NR2C2AP: variants seen among roughly 807,000 people sequenced by gnomAD.
NR2C2AP encodes the protein nuclear receptor 2C2-associated protein.
A neutral mutation model predicts 19.1 loss-of-function variants in NR2C2AP; 13 were observed. The ratio of observed to expected loss-of-function variants is 0.68; its 90% CI spans 0.44 to 1.08. The LOEUF is 1.08. Ranked by LOEUF, NR2C2AP falls within the 50% of genes least tolerant of loss-of-function variation. The probability of loss-of-function intolerance (pLI) is 0.00; values close to 1 mark genes in which losing one functional copy is unlikely to be tolerated. For synonymous variants in NR2C2AP, 81 were observed against 64.4 expected, an observed-to-expected ratio of 1.26 and a Z score of -1.23; for missense variants, 181 against 172.7, an observed-to-expected ratio of 1.05 and a Z score of -0.27.
chr19:19,202,531 A>T lies in NR2C2AP; in HGVS notation c.174T>A (p.Arg58=). ...WVTLEFPQLI[R]VSQLQIQFQG... ...GAAACTGGATCTGCAGCTGGGAGAC[A>T]CGGATGAGCTGGGGAAACTCCAGCG... is the stretch of plus-strand genomic sequence containing the variant. Residue 58 remains arginine (R), a synonymous_variant, in exon 3 of 5, where the codon CGT becomes CGA. Transcript: ENST00000331552. 6.2e-7 allele frequency: 1 copy of T among 1,613,798 alleles called. No individual in the cohort carries two copies.
rs889602864 is a variant in NR2C2AP at position 19,201,526 on chromosome 19, C to T, written c.*399G>A. ...AGTCCTCGGTTCTCCCAGCTTTGCT[C>T]TGTAATGCAGGTCTCTGCAAGGGTC... On this transcript the variant is annotated 3_prime_UTR_variant, in exon 5 of 5. Transcript: ENST00000331552. 1.4e-5 allele frequency: 22 copies of T among 1,602,476 alleles called. No homozygotes were observed. The highest frequency in any genetic ancestry group is 1.6e-4 in the Middle Eastern group (1 of 6,082).
Position 19,201,504 on chromosome 19 carries a change from C to T in NR2C2AP, c.*421G>A. 1.3e-6 allele frequency: 2 copies of T among 1,597,644 alleles called. No homozygotes were observed. The highest frequency in any genetic ancestry group is 1.7e-6 in the Non-Finnish European group (2 of 1,178,618). On this transcript the variant is annotated 3_prime_UTR_variant, in exon 5 of 5. Transcript: ENST00000331552. ...GGAAGTTGAGGTTCCTGGGGTGAGT[C>T]CTCGGTTCTCCCAGCTTTGCTCTGT...
rs1226658071 is a variant in NR2C2AP at position 19,203,253 on chromosome 19, C to G, written c.-193G>C. 2 of 632,934 alleles carry G rather than the reference C, an allele frequency of 3.2e-6. No individual in the cohort carries two copies. The allele number at this position is 632,934 out of a possible 1,614,324, so 39.2% of individuals were successfully genotyped here. ...AAATGTCGCCTCGATCAATCCCCTG[C>G]CGGAAAATTTGGGAGAGAGGATCAG... On this transcript the variant is annotated 5_prime_UTR_variant, in exon 1 of 5. Transcript: ENST00000331552.
At chr19:19,202,732 A>G (rs2060738837) in intron 2 of NR2C2AP, 59 bp downstream of exon 2, 3 of 1,528,666 alleles carry the variant, frequency 2.0e-6, no homozygotes, top group African/African-American at 1.4e-5. Context: ...GACGTTCTCA[A>G]GGCATGAGAT....
In NR2C2AP at chr19:19,201,745, C is replaced by T. The variant is rs1458159205; in HGVS notation, c.*180G>A. The T allele has an allele frequency of 2.5e-6, 4 of 1,613,792 alleles. No homozygotes were observed. The highest frequency in any genetic ancestry group is 3.3e-4 in the Middle Eastern group (2 of 6,062). Reference sequence around the variant, plus strand: ...AGGCCGCCTGCCGGGGACTCAGACACTCAGGGAACAAAATGGTCAGCCAGA... The same window carrying T: ...AGGCCGCCTGCCGGGGACTCAGACATTCAGGGAACAAAATGGTCAGCCAGA... On this transcript the variant is annotated 3_prime_UTR_variant, in exon 5 of 5. Coordinates refer to ENST00000331552, the MANE Select transcript of NR2C2AP (RefSeq NM_176880.6).
rs2060745142 is a variant in NR2C2AP, at chr19:19,203,366, G to A, written c.-306C>T. ...GGGCGGTGGCTTTTTGTGCGAGGCT[G>A]TTTCTCTGCGAATAGCTCTTGGAGC... On this transcript the variant is annotated 5_prime_UTR_variant, in exon 1 of 5. Coordinates refer to ENST00000331552, the MANE Select transcript of NR2C2AP (RefSeq NM_176880.6). The A allele has an allele frequency of 2.0e-6, 1 of 494,274 alleles. No homozygotes were observed. The highest frequency in any genetic ancestry group is 3.7e-6 in the Non-Finnish European group (1 of 270,344). 30.6% of individuals were successfully genotyped at this position (494,274 alleles called of 1,614,324 possible).
At position 19,202,618 on chromosome 19, in the gene NR2C2AP, C is replaced by T. The variant is rs935740550; in HGVS notation, c.130-43G>A. 3.9e-6 allele frequency: 6 copies of T among 1,526,972 alleles called. 1 individual carries two copies. The highest frequency in any genetic ancestry group is 1.1e-5 in the South Asian group (1 of 89,226). The allele number at this position is 1,526,972 out of a possible 1,614,324, so 94.6% of individuals were successfully genotyped here. On this transcript the variant is annotated intron_variant, in intron 2 of 4. Coordinates refer to ENST00000331552, the MANE Select transcript of NR2C2AP (RefSeq NM_176880.6). ...AACTGAGGCGCAAGCTCACTGCAGG[C>T]ACAGAGCCCTGCTATGCCTGTCTCA...
chr19:19,201,988 A>G lies in NR2C2AP; in HGVS notation c.357T>C (p.Asp119=), dbSNP rs139450000. ...CCACACGGCCAAAAAAGTCAGTGGCATCCTCAAACGTCACCTTCAGCCGGT... is the reference window on the plus strand; with the variant it reads ...CCACACGGCCAAAAAAGTCAGTGGCGTCCTCAAACGTCACCTTCAGCCGGT... ...EVDRLKVTFE[D]ATDFFGRVVI... The change falls in exon 5 of 5, where the codon GAT becomes GAC. Residue 119 remains aspartate, a synonymous_variant. Coordinates refer to ENST00000331552, the MANE Select transcript of NR2C2AP (RefSeq NM_176880.6). 1.4e-4 allele frequency: 231 copies of G among 1,614,186 alleles called. No homozygotes were observed. The highest frequency in any genetic ancestry group is 2.3e-4 in the African/African-American group (17 of 75,050).
At position 19,203,213 on chromosome 19, in the gene NR2C2AP, G is replaced by A; in HGVS notation, c.-153C>T. The A allele has an allele frequency of 1.4e-6, 1 of 736,914 alleles. No homozygotes were observed. The highest frequency in any genetic ancestry group is 2.4e-6 in the Non-Finnish European group (1 of 420,724). The allele number at this position is 736,914 out of a possible 1,614,324, so 45.6% of individuals were successfully genotyped here. A position where few individuals can be genotyped will look rare whatever the true frequency, so the allele number is the denominator to read the frequency against. On this transcript the variant is annotated 5_prime_UTR_variant, in exon 1 of 5. Coordinates refer to ENST00000331552, the MANE Select transcript of NR2C2AP (RefSeq NM_176880.6). ...TTGGGACGAGAACCGCCACTCCCTC[G>A]CCCACCCCAGTCCTAAATGTCGCCT...
Position 19,202,014 on chromosome 19 carries a change from C to T in NR2C2AP, c.331G>A (p.Asp111Asn), listed in dbSNP as rs781664408. Residue 111 changes from aspartate to asparagine, a missense_variant, in exon 5 of 5, where the codon GAC (aspartate) becomes AAC (asparagine). Transcript: ENST00000331552. Reference sequence around the variant, plus strand: ...TCCTCAAACGTCACCTTCAGCCGGTCCACTTCAGCAGCTGGTATGGGGAAA... The same window carrying T: ...TCCTCAAACGTCACCTTCAGCCGGTTCACTTCAGCAGCTGGTATGGGGAAA... Reference protein sequence around the residue: ...QTFPIPAAEVDRLKVTFEDAT... With the variant: ...QTFPIPAAEVNRLKVTFEDAT... 1 of 1,614,152 alleles carries T rather than the reference C, an allele frequency of 6.2e-7. No individual in the cohort carries two copies. The highest frequency in any genetic ancestry group is 1.1e-5 in the South Asian group (1 of 91,070).
In NR2C2AP at chr19:19,201,795, C is replaced by G. The variant is rs2060724271; in HGVS notation, c.*130G>C. ...AGCTGGGGAAACCCAGAACTGACTT[C>G]AAAGGCAGCTTCTGGACAGGTGGTG... On this transcript the variant is annotated 3_prime_UTR_variant, in exon 5 of 5. Coordinates refer to ENST00000331552, the MANE Select transcript of NR2C2AP (RefSeq NM_176880.6). 6.2e-7 allele frequency: 1 copy of G among 1,613,144 alleles called. No individual in the cohort carries two copies. Among genetic ancestry groups the G allele is most frequent in the Admixed American group, 1.7e-5 (1 of 59,948 alleles).
At position 19,203,121 on chromosome 19, in the gene NR2C2AP, C is replaced by T; in HGVS notation, c.-61G>A. 6.3e-7 allele frequency: 1 copy of T among 1,584,250 alleles called. No individual in the cohort carries two copies. Among genetic ancestry groups the T allele is most frequent in the Non-Finnish European group, 8.6e-7 (1 of 1,156,766 alleles). On this transcript the variant is annotated 5_prime_UTR_variant, in exon 1 of 5. Coordinates refer to ENST00000331552, the MANE Select transcript of NR2C2AP (RefSeq NM_176880.6). ...GGCACAGCCTTGGTTCGAATCCCGG[C>T]GCCTCCTCAAGCTACAGGGCGGCGC...
intron 4 of NR2C2AP, 68 bp from the exon 5 acceptor site, chr19:19,202,109 A>G: frequency 6.5e-7 from 1 of 1,548,422 alleles, no homozygotes; most frequent in Admixed American, 1.7e-5. Context: ...CACCCCTTCC[A>G]GACCCAGCTC....
In NR2C2AP at chr19:19,201,701, G is replaced by A. The variant is rs113406972; in HGVS notation, c.*224C>T. The A allele has an allele frequency of 3.2e-4, 511 of 1,614,064 alleles. 1 individual carries two copies. The African/African-American group carries it at 5.8e-3, about 18-fold the overall frequency. On this transcript the variant is annotated 3_prime_UTR_variant, in exon 5 of 5. Transcript: ENST00000331552. The stretch of plus-strand genomic sequence containing the variant: ...TCAAGCTCTTCCAGAGCAACCTGGT[G>A]CCCGCTGACCCTGAGTGAAGGCCGC...
In NR2C2AP at chr19:19,201,885, T is replaced by C; in HGVS notation, c.*40A>G. ...TGCAGAATGAGGGACTTTGCTGTGCTTCCCGGAGGGCTTCCTGGAGGAGAC... is the reference window on the plus strand; with the variant it reads ...TGCAGAATGAGGGACTTTGCTGTGCCTCCCGGAGGGCTTCCTGGAGGAGAC... On this transcript the variant is annotated 3_prime_UTR_variant, in exon 5 of 5. Transcript: ENST00000331552. 1 of 1,613,702 alleles carries C rather than the reference T, an allele frequency of 6.2e-7. No individual in the cohort carries two copies. Among genetic ancestry groups the C allele is most frequent in the Non-Finnish European group, 8.5e-7 (1 of 1,179,746 alleles).
Position 19,202,840 on chromosome 19 carries a change from T to C in NR2C2AP, c.80A>G (p.Lys27Arg), listed in dbSNP as rs769260878. 1.1e-5 allele frequency: 18 copies of C among 1,613,760 alleles called. No individual in the cohort carries two copies. Among genetic ancestry groups the C allele is most frequent in the Non-Finnish European group, 1.4e-5 (17 of 1,180,044 alleles). ...CTCATCCTGGTCGAAAAGATGTTTT[T>C]TTCCAAACTGCCGAGTGTTGCGATT... is the stretch of plus-strand genomic sequence containing the variant. Reference protein sequence around the residue: ...VLNRNTRQFGKKHLFDQDEET... With the variant: ...VLNRNTRQFGRKHLFDQDEET... Residue 27 changes from lysine (K) to arginine (R), a missense_variant, in exon 2 of 5, where the codon AAA becomes AGA. Coordinates refer to ENST00000331552, the MANE Select transcript of NR2C2AP (RefSeq NM_176880.6).
Position 19,202,478 on chromosome 19 carries a change from C to G in NR2C2AP, c.227G>C (p.Cys76Ser). Residue 76 changes from cysteine to serine, a missense_variant, in exon 3 of 5, where the codon TGC (cysteine) becomes TCC (serine). Physicochemically the swap from Cys to Ser is moderately radical, Grantham distance 112. Transcript: ENST00000331552. ...FQGGFSSRRG[C>S]LEGSQGTQAL... Reference sequence around the variant, plus strand: ...CCAGGGCCTTCTAGTACCTTCCAGGCAGCCCCGGCGACTGGAGAAGCCACC... The same window carrying G: ...CCAGGGCCTTCTAGTACCTTCCAGGGAGCCCCGGCGACTGGAGAAGCCACC... 1 of 1,614,108 alleles carries G rather than the reference C, an allele frequency of 6.2e-7. No individual in the cohort carries two copies. Among genetic ancestry groups the G allele is most frequent in the Non-Finnish European group, 8.5e-7 (1 of 1,179,974 alleles).
At chr19:19,202,636 C>T (rs959128398) in intron 2 of NR2C2AP, 61 bp from the exon 3 acceptor site, 9 of 1,460,592 alleles carry the variant, frequency 6.2e-6, no homozygotes, top group South Asian at 1.1e-5. Context: ...CCTGCTATGC[C>T]TGTCTCATTC....
chr19:19,202,042 G>A lies in NR2C2AP; in HGVS notation c.304-1C>T, dbSNP rs1484003774. The A allele has an allele frequency of 6.2e-7, 1 of 1,614,120 alleles. No homozygotes were observed. Among genetic ancestry groups the A allele is most frequent in the South Asian group, 1.1e-5 (1 of 91,074 alleles). On this transcript the variant is annotated splice_acceptor_variant, in intron 4 of 4. Coordinates refer to ENST00000331552, the MANE Select transcript of NR2C2AP (RefSeq NM_176880.6). LOFTEE classifies it high-confidence loss of function. ...CTTCAGCAGCTGGTATGGGGAAAGT[G>A]TGAGCGTGGGCAGTCAAGGGAAACT... is the stretch of plus-strand genomic sequence containing the variant.
Sources: allele counts gnomAD v4.1 joint callset, GRCh38; gene constraint gnomAD v4.1.1; transcripts MANE v1.5; gene names NCBI Gene and HGNC (gene_info 2026-07-23, HGNC 2026-07-21).